Variants in ADORA2B observed in about 807,000 individuals in gnomAD.
ADORA2B encodes adenosine receptor A2b.
In ADORA2B, 18 loss-of-function variants were observed where a neutral mutation model predicts 20.8. That is an observed-to-expected ratio of 0.87 (90% confidence interval 0.60 to 1.29). The LOEUF (loss-of-function observed/expected upper bound fraction) is 1.29. Ranked by LOEUF, ADORA2B falls within the 50% of genes most tolerant of loss-of-function variation. ADORA2B has a pLI of 0.00. For synonymous variants in ADORA2B, 179 were observed against 178.3 expected (o/e 1.00, Z -0.03); for missense variants, 441 against 422.7 (o/e 1.04, Z -0.38).
chr17:15,917,461 G>A, the ADORA2B span, among the ~76,000 whole-genome samples: 3 of 152,234 alleles, frequency 2.0e-5, no homozygotes, highest in African/African-American at 7.2e-5. Flanking sequence ...TCAGGGCTGC[G>A]GCCGCCCATC....
chr17:15,890,039 T>G, the ADORA2B span, among the ~76,000 whole-genome samples: 2 of 130,484 alleles, frequency 1.5e-5, no homozygotes, highest in Admixed American at 1.5e-4. Flanking sequence ...GACGCCTAGA[T>G]GTGATATTAC....
the ADORA2B span, among the ~76,000 whole-genome samples, chr17:15,884,225 A>G: frequency 1.3e-5 from 2 of 152,274 alleles, no homozygotes; most frequent in South Asian, 2.1e-4. Flanking sequence ...GAGGGGAACT[A>G]TGCATGCATG....
At chr17:15,878,944 T>G in the ADORA2B span, among the ~76,000 whole-genome samples, 1 of 152,192 alleles carries the variant, frequency 6.6e-6, no homozygotes, top group Non-Finnish European at 1.5e-5. Context: ...AATTTGGTTA[T>G]GGTGTATTAC....
chr17:15,863,509 CTTATTTAT>C, the ADORA2B span, among the ~76,000 whole-genome samples: 1 of 151,760 alleles, frequency 6.6e-6, no homozygotes, highest in Non-Finnish European at 1.5e-5. Context: ...CCATGCCCAG[CTTATTTAT>C]TTATTTATTT....
the ADORA2B span, among the ~76,000 whole-genome samples, chr17:15,851,499 T>C: frequency 6.6e-6 from 1 of 151,996 alleles, no homozygotes; most frequent in Non-Finnish European, 1.5e-5. Flanking sequence ...CAGAAGATGA[T>C]GGAACAGACC....
At chr17:15,896,051 G>A in the ADORA2B span, among the ~76,000 whole-genome samples, 14 of 152,338 alleles carry the variant, frequency 9.2e-5, no homozygotes, top group Non-Finnish European at 2.1e-4. Flanking sequence ...GAGAAAAAGA[G>A]AGAAAGTCTC....
At chr17:15,886,170 G>A in the ADORA2B span, among the ~76,000 whole-genome samples, 1 of 152,204 alleles carries the variant, frequency 6.6e-6, no homozygotes, top group Admixed American at 6.5e-5. Context: ...GTGCCATTAA[G>A]TGAGGACTTA....
chr17:15,852,870 A>C, the ADORA2B span, among the ~76,000 whole-genome samples: 66 of 152,192 alleles, frequency 4.3e-4, no homozygotes, highest in African/African-American at 1.5e-3. Context: ...GCTACATGGG[A>C]TGGGGTGAAA....
At chr17:15,928,970 T>C in the ADORA2B span, among the ~76,000 whole-genome samples, 1 of 151,884 alleles carries the variant, frequency 6.6e-6, no homozygotes, top group Admixed American at 6.6e-5. Flanking sequence ...GGGAGGAATA[T>C]TCTGGAAAAG....
chr17:15,898,877 C>T, the ADORA2B span, among the ~76,000 whole-genome samples: 4 of 152,056 alleles, frequency 2.6e-5, no homozygotes, highest in East Asian at 1.9e-4. Context: ...ATTCCAACAA[C>T]GAAATAGAAA....
intron 1 of ADORA2B, among the ~76,000 whole-genome samples, chr17:15,946,634 C>T (rs984661248): frequency 2.0e-5 from 3 of 152,196 alleles, no homozygotes; most frequent in Non-Finnish European, 2.9e-5. Flanking sequence ...TTATAATAAA[C>T]GTGTCCCCAG....
chr17:15,868,539 G>C, the ADORA2B span, among the ~76,000 whole-genome samples: 1 of 137,370 alleles, frequency 7.3e-6, no homozygotes, highest in East Asian at 2.1e-4. Context: ...TTGGGAGGCC[G>C]AGGCGGGCGG....
the ADORA2B span, among the ~76,000 whole-genome samples, chr17:15,910,160 C>T: frequency 6.6e-6 from 1 of 152,210 alleles, no homozygotes; most frequent in Non-Finnish European, 1.5e-5. Flanking sequence ...CAGTGACTGC[C>T]ATTACTACTC....
upstream of ADORA2B, among the ~76,000 whole-genome samples, chr17:15,941,340 T>G (rs1969743183): frequency 6.6e-6 from 1 of 152,204 alleles, no homozygotes; most frequent in South Asian, 2.1e-4. Flanking sequence ...GAAAGATTAA[T>G]TGACTTGTCC....
chr17:15,864,412 C>T, the ADORA2B span, among the ~76,000 whole-genome samples: 1 of 151,838 alleles, frequency 6.6e-6, no homozygotes, highest in Non-Finnish European at 1.5e-5. Context: ...ATCATGGGTT[C>T]TTAGGCTCTT....
the ADORA2B span, among the ~76,000 whole-genome samples, chr17:15,933,396 TTAA>T: frequency 6.6e-6 from 1 of 152,242 alleles, no homozygotes; most frequent in Non-Finnish European, 1.5e-5. Flanking sequence ...CATTGCCATC[TTAA>T]TAATATTGTC....
chr17:15,969,427 C>G (rs1970161104), intron 1 of ADORA2B, among the ~76,000 whole-genome samples: 1 of 152,088 alleles, frequency 6.6e-6, no homozygotes, highest in Admixed American at 6.5e-5. Context: ...CACTGCAGCC[C>G]TGGCGACAGT....
chr17:15,975,043 A>C lies in ADORA2B; in HGVS notation c.700A>C (p.Lys234Gln). 6.2e-7 allele frequency: 1 copy of C among 1,614,164 alleles called. No individual in the cohort carries two copies. Among genetic ancestry groups the C allele is most frequent in the Non-Finnish European group, 8.5e-7 (1 of 1,180,024 alleles). Residue 234 changes from lysine to glutamine, a missense_variant, in exon 2 of 2, where the codon AAG (lysine) becomes CAG (glutamine). Transcript: ENST00000304222. ...CCTCCAGCGGGAGATCCATGCAGCC[A>C]AGTCACTGGCCATGATTGTGGGGAT... Reference protein sequence around the residue: ...TTLQREIHAAKSLAMIVGIFA... With the variant: ...TTLQREIHAAQSLAMIVGIFA...
At chr17:15,949,323 G>A (rs985535877) in intron 1 of ADORA2B, among the ~76,000 whole-genome samples, 4 of 152,096 alleles carry the variant, frequency 2.6e-5, no homozygotes, top group Middle Eastern at 3.4e-3. Context: ...GACCAGCCTG[G>A]CCAACATGGC....
Sources: allele counts gnomAD v4.1 joint callset (sites outside exome capture counted in the v4.1 genomes callset), GRCh38; gene constraint gnomAD v4.1.1; transcripts MANE v1.5; gene names NCBI Gene and HGNC (gene_info 2026-07-23, HGNC 2026-07-21).